HECTD2: variants seen among roughly 807,000 people sequenced by gnomAD.
HECTD2 encodes the protein HECT domain E3 ubiquitin protein ligase 2.
In HECTD2, 35 loss-of-function variants were observed where a neutral mutation model predicts 103.2. That is an observed-to-expected ratio of 0.34 (90% CI 0.26 to 0.45). The LOEUF (loss-of-function observed/expected upper bound fraction) is 0.45. Ranked by LOEUF, HECTD2 falls within the 20% of genes least tolerant of loss-of-function variation. The pLI, the probability that HECTD2 is intolerant of heterozygous loss-of-function variation, is 1.00. For synonymous variants in HECTD2, 281 were observed against 329.9 expected, an observed-to-expected ratio of 0.85 and a Z score of 1.61; for missense variants, 596 against 937.4, an observed-to-expected ratio of 0.64 and a Z score of 4.76.
chr10:91,453,512 T>C (rs978485480), intron 2 of HECTD2, among the ~76,000 whole-genome samples: 3 of 152,134 alleles, frequency 2.0e-5, no homozygotes, highest in Admixed American at 6.6e-5. Context: ...AAAATGACGA[T>C]ATGAGTAGCA....
chr10:91,503,988 A>C (rs1473985981), intron 20 of HECTD2, among the ~76,000 whole-genome samples: 2 of 152,162 alleles, frequency 1.3e-5, no homozygotes, highest in Non-Finnish European at 2.9e-5. Context: ...CGAGCAGCCT[A>C]ACTGGGAGGC....
intron 1 of HECTD2, among the ~76,000 whole-genome samples, chr10:91,419,824 G>A (rs1843278648): frequency 1.3e-5 from 2 of 152,206 alleles, no homozygotes; most frequent in South Asian, 4.1e-4. Context: ...CCCACTGTTT[G>A]TAGGCTGGCC....
chr10:91,420,734 T>G (rs995584210), intron 1 of HECTD2, among the ~76,000 whole-genome samples: 2 of 152,188 alleles, frequency 1.3e-5, no homozygotes, highest in African/African-American at 2.4e-5. Context: ...TGCTATTCTC[T>G]TTTAGCTAGT....
At chr10:91,429,554 G>A (rs1292766367) in intron 2 of HECTD2, among the ~76,000 whole-genome samples, 1 of 152,190 alleles carries the variant, frequency 6.6e-6, no homozygotes, top group Non-Finnish European at 1.5e-5. Flanking sequence ...CACAATTTCA[G>A]ATCCTGTTAT....
Position 91,487,291 on chromosome 10 carries a change from G to T in HECTD2, c.1095-391G>T. The T allele has an allele frequency of 4.6e-6, 1 of 218,780 alleles. No individual in the cohort carries two copies. Among genetic ancestry groups the T allele is most frequent in the Non-Finnish European group, 9.4e-6 (1 of 106,806 alleles). The allele number at this position is 218,780 out of a possible 1,614,324, so 13.6% of individuals were successfully genotyped here. ...CACACATCAGAAGTCACCATATAATGATGGATTCTTATATTAATTTTGAGC... is the reference window on the plus strand; with the variant it reads ...CACACATCAGAAGTCACCATATAATTATGGATTCTTATATTAATTTTGAGC... On this transcript the variant is annotated intron_variant, in intron 10 of 20. Coordinates refer to ENST00000298068, the MANE Select transcript of HECTD2 (RefSeq NM_182765.6). The surrounding 1 kb of genome is among the most constrained non-coding windows in gnomAD (Gnocchi z 4.1).
At chr10:91,445,153 T>C (rs2133127147) in intron 2 of HECTD2, among the ~76,000 whole-genome samples, 1 of 152,264 alleles carries the variant, frequency 6.6e-6, no homozygotes, top group East Asian at 1.9e-4. Flanking sequence ...ACTTGGAAAA[T>C]GCAGCTTTCT....
rs548673235 is a variant in HECTD2 at position 91,428,786 on chromosome 10, A to G, written c.268+3376A>G. On this transcript the variant is annotated intron_variant, in intron 2 of 20. Transcript: ENST00000298068. ...CTTAAGGAGATTTTGGGCTGAGACA[A>G]TAGGGTTTTCTAGATATACAATCAT... is the stretch of plus-strand genomic sequence containing the variant. Among the ~76,000 whole-genome samples the G allele has an allele frequency of 6.6e-5, 10 of 152,184 alleles. No homozygotes were observed. The South Asian group carries it at 8.3e-4, about 13-fold the overall frequency.
chr10:91,453,509 C>T (rs780981256), intron 2 of HECTD2, among the ~76,000 whole-genome samples: 7 of 151,868 alleles, frequency 4.6e-5, no homozygotes, highest in Admixed American at 4.6e-4. Flanking sequence ...GGTAAAATGA[C>T]GATATGAGTA....
rs540203130 is a variant in HECTD2, at chr10:91,491,372, A to G, written c.1299+65A>G. 2.8e-5 allele frequency: 22 copies of G among 778,458 alleles called. No homozygotes were observed. The East Asian group carries it at 5.3e-4, about 19-fold the overall frequency. 48.2% of individuals were successfully genotyped at this position (778,458 alleles called of 1,614,324 possible). ...ATTCTATAATATGATTATTATAAAAATCATAGTAAACTTTTTTATTTCTGT... is the reference window on the plus strand; with the variant it reads ...ATTCTATAATATGATTATTATAAAAGTCATAGTAAACTTTTTTATTTCTGT... On this transcript the variant is annotated intron_variant, in intron 12 of 20. Transcript: ENST00000298068.
chr10:91,450,877 G>A (rs1844788846), intron 2 of HECTD2, among the ~76,000 whole-genome samples: 1 of 152,168 alleles, frequency 6.6e-6, no homozygotes, highest in South Asian at 2.1e-4. Context: ...AGATGCTGGA[G>A]AGGATGTGGA....
At chr10:91,493,569 CTG>C (rs1846554742) in intron 14 of HECTD2, 61 bp downstream of exon 14, 1 of 884,882 alleles carries the variant, frequency 1.1e-6, no homozygotes, top group Non-Finnish European at 1.7e-6. Flanking sequence ...AAGATTTTAT[CTG>C]TATTTTAGAA....
intron 2 of HECTD2, among the ~76,000 whole-genome samples, chr10:91,430,894 CATT>C (rs1226002585): frequency 6.7e-6 from 1 of 150,224 alleles, no homozygotes; most frequent in African/African-American, 2.5e-5. Context: ...AAGTTAATAT[CATT>C]ATGTGTGAAT....
At chr10:91,453,944 C>T (rs1194087331) in intron 2 of HECTD2, among the ~76,000 whole-genome samples, 2 of 152,006 alleles carry the variant, frequency 1.3e-5, no homozygotes, top group African/African-American at 4.8e-5. Context: ...CAGAGGGGAA[C>T]ATTATATAAT....
intron 2 of HECTD2, among the ~76,000 whole-genome samples, chr10:91,436,181 G>T (rs1844110172): frequency 6.6e-6 from 1 of 151,890 alleles, no homozygotes; most frequent in Non-Finnish European, 1.5e-5. Context: ...CCATATTGGA[G>T]GCTGTCATCA....
chr10:91,492,453 T>A lies in HECTD2; in HGVS notation c.1401T>A (p.Leu467=). 6 of 1,612,110 alleles carry A rather than the reference T, an allele frequency of 3.7e-6. No homozygotes were observed. The highest frequency in any genetic ancestry group is 5.1e-6 in the Non-Finnish European group (6 of 1,178,370). Residue 467 remains leucine, a synonymous_variant, in exon 13 of 21, where the codon CTT becomes CTA. Transcript: ENST00000298068. The part of the protein sequence containing the change: ...MGGLTKEWFL[L]LIRQIFHPDY... The stretch of plus-strand genomic sequence containing the variant: ...GTTTGACTAAAGAATGGTTCCTTCT[T>A]CTAATTCGCCAAATTTTTCATCCAG...
rs956274325 is a variant in HECTD2 at position 91,513,996 on chromosome 10, A to G, written c.*1612A>G. ...TCTTAAAAATCTTGGAAAGCCTAAG[A>G]GAGTTAAAGGCATCCTGGTTTTGTT... On this transcript the variant is annotated 3_prime_UTR_variant, in exon 21 of 21. Transcript: ENST00000298068. 1 of 152,650 alleles carries G rather than the reference A, an allele frequency of 6.6e-6. No homozygotes were observed. The highest frequency in any genetic ancestry group is 1.5e-5 in the Non-Finnish European group (1 of 68,052). The allele number at this position is 152,650 out of a possible 1,614,324, so 9.5% of individuals were successfully genotyped here.
chr10:91,450,872 C>G (rs1473182876), intron 2 of HECTD2, among the ~76,000 whole-genome samples: 1 of 152,040 alleles, frequency 6.6e-6, no homozygotes, highest in Non-Finnish European at 1.5e-5. Flanking sequence ...GAAATAGATG[C>G]TGGAGAGGAT....
intron 2 of HECTD2, among the ~76,000 whole-genome samples, chr10:91,448,993 C>T (rs952860426): frequency 4.6e-5 from 6 of 130,534 alleles, no homozygotes; most frequent in African/African-American, 1.8e-4. Context: ...TTCTAAACAA[C>T]AGAAAAAGAG....
At chr10:91,480,073 A>G (rs1258696763) in intron 6 of HECTD2, among the ~76,000 whole-genome samples, 1 of 152,090 alleles carries the variant, frequency 6.6e-6, no homozygotes, top group Non-Finnish European at 1.5e-5. Context: ...ATCAGTTACT[A>G]GACTCAAAAA....
Sources: allele counts gnomAD v4.1 joint callset (sites outside exome capture counted in the v4.1 genomes callset), GRCh38; gene constraint gnomAD v4.1.1; non-coding constraint Gnocchi (gnomAD v3.1); transcripts MANE v1.5; gene names NCBI Gene and HGNC (gene_info 2026-07-23, HGNC 2026-07-21).